The following FMN1 variants were observed in gnomAD, a reference collection of about 807,000 sequenced individuals.
FMN1 encodes the protein formin 1.
A neutral mutation model predicts 132.4 loss-of-function variants in FMN1; 110 were observed. The ratio of observed to expected loss-of-function variants is 0.83; its 90% CI spans 0.71 to 0.97. The LOEUF (loss-of-function observed/expected upper bound fraction) is 0.97, where lower values mean the gene tolerates loss of function less well. Among genes scored for constraint, FMN1 ranks in the 50% least tolerant of loss-of-function variants. The pLI is 0.00. For missense variants in FMN1, 1,792 were observed against 1,705.3 expected, an observed-to-expected ratio of 1.05 and a Z score of -0.90; for synonymous variants, 722 against 651.7, an observed-to-expected ratio of 1.11 and a Z score of -1.64.
chr15:32,934,745 T>C (rs1162572383), intron 9 of FMN1, among the ~76,000 whole-genome samples: 1 of 151,586 alleles, frequency 6.6e-6, no homozygotes, highest in Non-Finnish European at 1.5e-5. Context: ...TAGCTGAGAT[T>C]ATAGGCGTCC....
intron 7 of FMN1, among the ~76,000 whole-genome samples, chr15:32,972,922 G>A (rs1257294500): frequency 6.6e-6 from 1 of 152,006 alleles, no homozygotes; most frequent in African/African-American, 2.4e-5. Context: ...CACTATTAAT[G>A]CCTCATCGCC....
intron 17 of FMN1, among the ~76,000 whole-genome samples, chr15:32,840,974 A>G (rs1033548770): frequency 6.6e-6 from 1 of 152,246 alleles, no homozygotes; most frequent in African/African-American, 2.4e-5. Context: ...TTACACAGAA[A>G]GAGGGACTTA....
At chr15:32,949,977 A>ATTAAAAAGC (rs2061598592) in intron 9 of FMN1, among the ~76,000 whole-genome samples, 1 of 55,040 alleles carries the variant, frequency 1.8e-5, no homozygotes, top group African/African-American at 1.3e-4. Flanking sequence ...ACACATATAT[A>ATTAAAAAGC]TACACACACA....
At chr15:32,844,957 TCAG>T (rs1413621647) in intron 17 of FMN1, among the ~76,000 whole-genome samples, 1 of 152,206 alleles carries the variant, frequency 6.6e-6, no homozygotes, top group Non-Finnish European at 1.5e-5. Flanking sequence ...CCAAATGAAC[TCAG>T]CAGAAGAAAC....
intron 6 of FMN1, among the ~76,000 whole-genome samples, chr15:33,008,684 T>C (rs1403843363): frequency 3.9e-5 from 6 of 152,170 alleles, no homozygotes; most frequent in African/African-American, 1.4e-4. Flanking sequence ...ATAATGTTTA[T>C]TTCAACAATA....
chr15:32,801,266 G>A (rs2057467851), intron 18 of FMN1, among the ~76,000 whole-genome samples: 1 of 152,070 alleles, frequency 6.6e-6, no homozygotes, highest in African/African-American at 2.4e-5. Context: ...TCTCCCTGGG[G>A]ATTTGTGAGG....
chr15:32,998,500 G>A (rs1033905684), intron 7 of FMN1, among the ~76,000 whole-genome samples: 20 of 152,168 alleles, frequency 1.3e-4, no homozygotes, highest in African/African-American at 4.8e-4. Flanking sequence ...TACAGCTGAA[G>A]AACCTAATAT....
In FMN1 at chr15:32,964,226, A is replaced by G; in HGVS notation, c.3019T>C (p.Leu1007=). 1 of 1,611,450 alleles carries G rather than the reference A, an allele frequency of 6.2e-7. No individual in the cohort carries two copies. ...QNATPTLWDS[L]EEPDIRDPSE... ...GGGTCCCGAATGTCAGGTTCTTCTA[A>G]GGAGTCCCATAAGGTTGGTGTAGCA... is the stretch of plus-strand genomic sequence containing the variant. Residue 1007 remains leucine, a synonymous_variant, in exon 9 of 21, where the codon TTA becomes CTA. Coordinates refer to ENST00000616417, the MANE Select transcript of FMN1 (RefSeq NM_001277313.2).
intron 15 of FMN1, among the ~76,000 whole-genome samples, chr15:32,892,818 T>A (rs1024661594): frequency 2.0e-5 from 3 of 152,214 alleles, no homozygotes; most frequent in African/African-American, 7.2e-5. Flanking sequence ...AATTTATCCA[T>A]CTCTTCTAGG....
Position 32,769,842 on chromosome 15 carries a change from G to A in FMN1, c.*4468C>T, listed in dbSNP as rs1355410474. Reference sequence around the variant, plus strand: ...TCTCTTCAGTTGTAGGGTCCCTAAAGGTAAAATAACTAATACAAAACAAAT... The same window carrying A: ...TCTCTTCAGTTGTAGGGTCCCTAAAAGTAAAATAACTAATACAAAACAAAT... On this transcript the variant is annotated 3_prime_UTR_variant, in exon 21 of 21. Coordinates refer to ENST00000616417, the MANE Select transcript of FMN1 (RefSeq NM_001277313.2). 6.6e-6 allele frequency: 1 copy of A among 152,106 alleles called. No homozygotes were observed. The highest frequency in any genetic ancestry group is 2.4e-5 in the African/African-American group (1 of 41,414). 9.4% of individuals were successfully genotyped at this position (152,106 alleles called of 1,614,324 possible).
At chr15:32,981,581 T>A (rs182205627) in intron 7 of FMN1, among the ~76,000 whole-genome samples, 9 of 149,540 alleles carry the variant, frequency 6.0e-5, no homozygotes, top group African/African-American at 2.0e-4. Context: ...TGTGCTAACA[T>A]AAGACTCAAC....
rs140790941 is a variant in FMN1, at chr15:33,125,972, T to TA, written c.1867+27075_1867+27076insT. On this transcript the variant is annotated intron_variant, in intron 4 of 20. Transcript: ENST00000616417. ...GTTGAAGGCTTTTTTGTGCAGTAAG[T>TA]CACTAAGTTAGGAAAGTGGCTTCTA... Among the ~76,000 whole-genome samples the TA allele has an allele frequency of 5.3e-3, 796 of 150,614 alleles. 8 individuals carry two copies. The highest frequency in any genetic ancestry group is 7.9e-3 in the Admixed American group (121 of 15,270).
chr15:33,009,390 A>C (rs182344563), intron 6 of FMN1, among the ~76,000 whole-genome samples: 1 of 152,306 alleles, frequency 6.6e-6, no homozygotes, highest in East Asian at 1.9e-4. Context: ...TCACGCAATT[A>C]GAGTGAAATC....
At chr15:33,026,423 C>CACACACACAA (rs2035677195) in intron 6 of FMN1, among the ~76,000 whole-genome samples, 2 of 151,714 alleles carry the variant, frequency 1.3e-5, no homozygotes, top group African/African-American at 4.8e-5. Context: ...CACACACACA[C>CACACACACAA]ACACACACAC....
At chr15:32,848,669 A>G (rs1173428839) in intron 17 of FMN1, among the ~76,000 whole-genome samples, 2 of 152,188 alleles carry the variant, frequency 1.3e-5, no homozygotes, top group African/African-American at 2.4e-5. Flanking sequence ...ATGAATAGGA[A>G]GCAGAATCTT....
intron 9 of FMN1, among the ~76,000 whole-genome samples, chr15:32,933,685 T>C (rs1162227302): frequency 6.6e-6 from 1 of 152,198 alleles, no homozygotes; most frequent in Non-Finnish European, 1.5e-5. Flanking sequence ...TCCTGGTGAA[T>C]TGACCCTTTT....
intron 5 of FMN1, among the ~76,000 whole-genome samples, chr15:33,079,655 C>T (rs1001637720): frequency 6.6e-6 from 1 of 152,178 alleles, no homozygotes; most frequent in Non-Finnish European, 1.5e-5. Flanking sequence ...AGCAGATTTG[C>T]CATTATCTTT....
rs113117538 is a variant in FMN1, at chr15:33,188,655, A to G, written c.-197+5254T>C. 4.4e-3 allele frequency among the ~76,000 whole-genome samples: 663 copies of G among 152,270 alleles called. 9 individuals are homozygous for G. The highest frequency in any genetic ancestry group is 0.02 in the Middle Eastern group (6 of 294). On this transcript the variant is annotated intron_variant, in intron 2 of 20. Coordinates refer to ENST00000616417, the MANE Select transcript of FMN1 (RefSeq NM_001277313.2). ...CCTGAATTTAGCTAATGGTGCTGCA[A>G]TGTGGCAGCTATTGATACATTTTAA...
chr15:32,880,274 C>G (rs2059736804), intron 16 of FMN1, among the ~76,000 whole-genome samples: 3 of 152,188 alleles, frequency 2.0e-5, no homozygotes, highest in Admixed American at 2.0e-4. Context: ...TCCTCTTTCT[C>G]TCACACTTGC....
Sources: gnomAD v4.1 joint callset for allele counts (sites outside exome capture counted in the v4.1 genomes callset) on GRCh38, gnomAD v4.1.1 for gene constraint, MANE v1.5 for transcripts, NCBI Gene and HGNC (gene_info 2026-07-23, HGNC 2026-07-21) for gene names.